TMCC1: variants seen among roughly 807,000 people sequenced by gnomAD.
TMCC1 encodes transmembrane and coiled-coil domains protein 1.
TMCC1 carries 15 observed loss-of-function variants against 52.4 expected under a neutral mutation model. The ratio of observed to expected loss-of-function variants is 0.29; its 90% CI spans 0.19 to 0.44. TMCC1 has a LOEUF of 0.44. TMCC1 is among the 20% of genes least tolerant of loss of function. The pLI, the probability that TMCC1 is intolerant of heterozygous loss-of-function variation, is 1.00. For missense variants in TMCC1, 503 were observed against 806.0 expected, an observed-to-expected ratio of 0.62 and a Z score of 4.55; for synonymous variants, 279 against 301.9, an observed-to-expected ratio of 0.92 and a Z score of 0.79.
chr3:129,715,716 T>A (rs1008081676), intron 4 of TMCC1, among the ~76,000 whole-genome samples: 7 of 152,236 alleles, frequency 4.6e-5, no homozygotes, highest in Non-Finnish European at 7.4e-5. Flanking sequence ...ATATATATAT[T>A]TTTTACTTGA....
intron 5 of TMCC1, among the ~76,000 whole-genome samples, chr3:129,657,671 T>G (rs2086752772): frequency 6.6e-6 from 1 of 152,152 alleles, no homozygotes; most frequent in Admixed American, 6.5e-5. Flanking sequence ...TACACTGATG[T>G]GATGGTTTGG....
intron 6 of TMCC1, among the ~76,000 whole-genome samples, chr3:129,654,257 G>A (rs975458581): frequency 1.3e-5 from 2 of 152,214 alleles, no homozygotes; most frequent in African/African-American, 2.4e-5. Context: ...AATGGATGCT[G>A]TCCAGTCCAG....
At chr3:129,747,305 C>T (rs73866122) in intron 4 of TMCC1, among the ~76,000 whole-genome samples, 2,354 of 152,168 alleles carry the variant, frequency 0.015, 46 homozygotes, top group African/African-American at 0.054. Flanking sequence ...TGCAAATTTA[C>T]ATATAATCCG....
chr3:129,829,059 T>C (rs2058785652), intron 3 of TMCC1, among the ~76,000 whole-genome samples: 1 of 152,240 alleles, frequency 6.6e-6, no homozygotes, highest in African/African-American at 2.4e-5. Flanking sequence ...AGTTCACTGG[T>C]AACTAGAGAT....
intron 4 of TMCC1, among the ~76,000 whole-genome samples, chr3:129,767,641 C>A (rs2054239159): frequency 6.6e-6 from 1 of 152,176 alleles, no homozygotes; most frequent in Non-Finnish European, 1.5e-5. Flanking sequence ...TGATCCTTGG[C>A]AATCATCCTC....
chr3:129,877,979 A>G (rs2061300393), intron 2 of TMCC1, among the ~76,000 whole-genome samples: 1 of 137,122 alleles, frequency 7.3e-6, no homozygotes, highest in Admixed American at 7.5e-5. Context: ...TTTTTTTGAG[A>G]CAGAGTTTCG....
Position 129,876,246 on chromosome 3 carries a change from G to GT in TMCC1, c.-184+4062dup, listed in dbSNP as rs1317015539. ...TGCTAACTGCTTTACAATGACTTAA[G>GT]TAAGCACTAGTGATTTGAACCCAGG... is the stretch of plus-strand genomic sequence containing the variant. On this transcript the variant is annotated intron_variant, in intron 2 of 6. Coordinates refer to ENST00000393238, the MANE Select transcript of TMCC1 (RefSeq NM_001017395.5). Among the ~76,000 whole-genome samples the GT allele has an allele frequency of 2.1e-5, 3 of 144,452 alleles. No homozygotes were observed. In the East Asian group the frequency reaches 5.9e-4, roughly 28 times the overall value. 94.8% of individuals were successfully genotyped at this position (144,452 alleles called of 152,430 possible).
At chr3:129,840,128 G>C (rs2059353800) in intron 2 of TMCC1, among the ~76,000 whole-genome samples, 1 of 151,514 alleles carries the variant, frequency 6.6e-6, no homozygotes, top group Non-Finnish European at 1.5e-5. Flanking sequence ...AGGAGCCCAA[G>C]ACTACCCTGG....
intron 2 of TMCC1, among the ~76,000 whole-genome samples, chr3:129,869,924 T>C (rs1312093962): frequency 6.6e-6 from 1 of 152,184 alleles, no homozygotes; most frequent in African/African-American, 2.4e-5. Context: ...GACAATTAAA[T>C]CTCATAAATG....
At chr3:129,765,995 G>A (rs1026295079) in intron 4 of TMCC1, among the ~76,000 whole-genome samples, 2 of 152,074 alleles carry the variant, frequency 1.3e-5, no homozygotes, top group Non-Finnish European at 1.5e-5. Context: ...GGATATACTC[G>A]AAGCCCAATT....
chr3:129,810,407 G>A (rs1008906573), intron 4 of TMCC1, among the ~76,000 whole-genome samples: 4 of 152,012 alleles, frequency 2.6e-5, no homozygotes, highest in African/African-American at 7.2e-5. Context: ...ATACTAGTAC[G>A]CAGAACCAAA....
rs759958639 is a variant in TMCC1 at position 129,828,740 on chromosome 3, C to T, written c.-130-232G>A. Among the ~76,000 whole-genome samples, 1 of 152,186 alleles carries T rather than the reference C, an allele frequency of 6.6e-6. No homozygotes were observed. The highest frequency in any genetic ancestry group is 1.5e-5 in the Non-Finnish European group (1 of 67,992). ...AGAACAAGTCCATAGGAAATTAAAACAGCAATGTTCAAAAGCAAAAATCCC... is the reference window on the plus strand; with the variant it reads ...AGAACAAGTCCATAGGAAATTAAAATAGCAATGTTCAAAAGCAAAAATCCC... On this transcript the variant is annotated intron_variant, in intron 3 of 6. Coordinates refer to ENST00000393238, the MANE Select transcript of TMCC1 (RefSeq NM_001017395.5). The surrounding 1 kb of genome is among the most constrained non-coding windows in gnomAD (Gnocchi z 4.1).
chr3:129,881,635 A>C, intron 1 of TMCC1, among the ~76,000 whole-genome samples: 1 of 152,214 alleles, frequency 6.6e-6, no homozygotes, highest in East Asian at 1.9e-4. Flanking sequence ...AATCTGTTAT[A>C]TTTTCGCAAC....
chr3:129,749,090 T>C (rs1028379216), intron 4 of TMCC1, among the ~76,000 whole-genome samples: 11 of 151,918 alleles, frequency 7.2e-5, no homozygotes, highest in Admixed American at 2.0e-4. Flanking sequence ...AAACAAATAC[T>C]TGACAAAAGT....
At chr3:129,804,905 T>C (rs929847777) in intron 4 of TMCC1, among the ~76,000 whole-genome samples, 2 of 152,326 alleles carry the variant, frequency 1.3e-5, no homozygotes, top group Non-Finnish European at 2.9e-5. Context: ...TGCTACGGAA[T>C]GAATTCCTAT....
rs181459219 is a variant in TMCC1, at chr3:129,886,253, G to A, written c.-434-5694C>T. Among the ~76,000 whole-genome samples the A allele has an allele frequency of 5.8e-4, 88 of 152,222 alleles. 1 individual carries two copies. The highest frequency in any genetic ancestry group is 1.1e-3 in the Non-Finnish European group (72 of 68,000). ...GGACCAAAATTCTTTATTCTATAAAGACAACAAGAAAATTATGTGATTTCA... is the reference window on the plus strand; with the variant it reads ...GGACCAAAATTCTTTATTCTATAAAAACAACAAGAAAATTATGTGATTTCA... On this transcript the variant is annotated intron_variant, in intron 1 of 6. Transcript: ENST00000393238.
intron 1 of TMCC1, among the ~76,000 whole-genome samples, chr3:129,888,370 C>T (rs764444978): frequency 2.6e-5 from 4 of 152,174 alleles, no homozygotes; most frequent in Admixed American, 2.0e-4. Context: ...CTCCTTCCTC[C>T]GTCCCTTGAG....
At chr3:129,711,657 C>T (rs941351356) in intron 4 of TMCC1, among the ~76,000 whole-genome samples, 1 of 151,440 alleles carries the variant, frequency 6.6e-6, no homozygotes, top group Non-Finnish European at 1.5e-5. Flanking sequence ...CCAGCCTGGC[C>T]AACATGATGA....
chr3:129,716,339 T>G (rs2049098952), intron 4 of TMCC1, among the ~76,000 whole-genome samples: 1 of 140,532 alleles, frequency 7.1e-6, no homozygotes, highest in Admixed American at 7.2e-5. Flanking sequence ...ATTTTTTTTT[T>G]TTTTTTTTTT....
Sources: gnomAD v4.1 joint callset for allele counts (sites outside exome capture counted in the v4.1 genomes callset) on GRCh38, gnomAD v4.1.1 for gene constraint, Gnocchi (gnomAD v3.1) non-coding constraint, MANE v1.5 for transcripts, NCBI Gene and HGNC (gene_info 2026-07-23, HGNC 2026-07-21) for gene names.